The following ABTB3 variants were observed in gnomAD, a reference collection of about 807,000 sequenced individuals.
The protein encoded by ABTB3 is ankyrin repeat- and BTB/POZ domain-containing protein 3.
At chr12:107,358,226 T>A in the ABTB3 span, among the ~76,000 whole-genome samples, 2 of 152,022 alleles carry the variant, frequency 1.3e-5, no homozygotes, top group African/African-American at 4.8e-5. Flanking sequence ...CAGAGAAAAA[T>A]GAACCAGGGA....
chr12:107,538,426 C>G, the ABTB3 span, among the ~76,000 whole-genome samples: 2 of 152,202 alleles, frequency 1.3e-5, no homozygotes, highest in African/African-American at 4.8e-5. Context: ...ACACAGGAAG[C>G]ACTAGCTGTT....
chr12:107,428,755 G>A, the ABTB3 span, among the ~76,000 whole-genome samples: 1 of 152,234 alleles, frequency 6.6e-6, no homozygotes, highest in Non-Finnish European at 1.5e-5. Flanking sequence ...TCCACACACT[G>A]TGAAGAGGCA....
chr12:107,594,835 T>C, the ABTB3 span, among the ~76,000 whole-genome samples: 1 of 152,084 alleles, frequency 6.6e-6, no homozygotes, highest in Non-Finnish European at 1.5e-5. Context: ...ACTTGATATA[T>C]AAAAGATGAT....
At chr12:107,634,510 C>T in the ABTB3 span, among the ~76,000 whole-genome samples, 1 of 152,104 alleles carries the variant, frequency 6.6e-6, no homozygotes, top group Non-Finnish European at 1.5e-5. Context: ...TTCAATGTAA[C>T]CCCTTTGAGC....
At chr12:107,510,052 A>G in the ABTB3 span, among the ~76,000 whole-genome samples, 1 of 152,168 alleles carries the variant, frequency 6.6e-6, no homozygotes, top group African/African-American at 2.4e-5. Flanking sequence ...GGAGAAATAC[A>G]CTCAGAGAAG....
At chr12:107,471,393 T>C in the ABTB3 span, among the ~76,000 whole-genome samples, 1 of 152,186 alleles carries the variant, frequency 6.6e-6, no homozygotes, top group Non-Finnish European at 1.5e-5. Context: ...CTTTTCATCT[T>C]CCTAGAATTT....
chr12:107,422,802 CCAT>C, the ABTB3 span, among the ~76,000 whole-genome samples: 16 of 152,288 alleles, frequency 1.1e-4, no homozygotes, highest in African/African-American at 3.9e-4. Context: ...AACAGTCAAG[CCAT>C]AGATGAGTTT....
chr12:107,633,200 T>C, the ABTB3 span, among the ~76,000 whole-genome samples: 7 of 152,116 alleles, frequency 4.6e-5, no homozygotes, highest in Admixed American at 2.6e-4. Context: ...GGTGAGTAGG[T>C]CTACAAAAGA....
the ABTB3 span, chr12:107,319,158 T>G: frequency 1.2e-6 from 2 of 1,601,620 alleles, no homozygotes; most frequent in Non-Finnish European, 1.7e-6. Flanking sequence ...AACACTGCCC[T>G]GGTGGAAGAC....
chr12:107,513,896 C>T, the ABTB3 span, among the ~76,000 whole-genome samples: 2 of 152,328 alleles, frequency 1.3e-5, no homozygotes, highest in East Asian at 3.9e-4. Flanking sequence ...TTCAAAATGA[C>T]CTTACCAAAT....
the ABTB3 span, among the ~76,000 whole-genome samples, chr12:107,432,183 C>T: frequency 6.6e-6 from 1 of 152,150 alleles, no homozygotes; most frequent in Non-Finnish European, 1.5e-5. Flanking sequence ...GTATGACCTC[C>T]CTCCACCCAC....
At chr12:107,420,767 G>A in the ABTB3 span, among the ~76,000 whole-genome samples, 2 of 152,222 alleles carry the variant, frequency 1.3e-5, no homozygotes, top group East Asian at 1.9e-4. Context: ...CAGTTTACTC[G>A]ACTCTCACCT....
At chr12:107,655,636 C>G in the ABTB3 span, among the ~76,000 whole-genome samples, 1 of 152,346 alleles carries the variant, frequency 6.6e-6, no homozygotes, top group East Asian at 1.9e-4. Flanking sequence ...AAATGTCAAC[C>G]AGGACCTCCG....
chr12:107,443,335 C>T, the ABTB3 span, among the ~76,000 whole-genome samples: 1 of 151,810 alleles, frequency 6.6e-6, no homozygotes, highest in African/African-American at 2.4e-5. Flanking sequence ...TGGGGCGGTC[C>T]CTAAGGGAGG....
the ABTB3 span, among the ~76,000 whole-genome samples, chr12:107,455,280 G>A: frequency 6.6e-6 from 1 of 152,168 alleles, no homozygotes; most frequent in Non-Finnish European, 1.5e-5. Context: ...GTTTTCTAAA[G>A]AAATACTTTA....
the ABTB3 span, among the ~76,000 whole-genome samples, chr12:107,521,714 C>T: frequency 1.1e-4 from 17 of 150,486 alleles, no homozygotes; most frequent in African/African-American, 3.9e-4. Flanking sequence ...TCCTCCACCC[C>T]ACCTCTGTCC....
the ABTB3 span, among the ~76,000 whole-genome samples, chr12:107,493,078 A>G: frequency 9.7e-5 from 13 of 134,566 alleles, no homozygotes; most frequent in African/African-American, 4.0e-4. Context: ...AGCCACAGAG[A>G]AAAGAAAAAA....
At chr12:107,507,518 C>T in the ABTB3 span, among the ~76,000 whole-genome samples, 10 of 152,130 alleles carry the variant, frequency 6.6e-5, no homozygotes, top group Admixed American at 1.3e-4. Flanking sequence ...CCTGACTTCA[C>T]GCAGGCACCA....
the ABTB3 span, among the ~76,000 whole-genome samples, chr12:107,416,930 G>A: frequency 6.6e-6 from 1 of 152,184 alleles, no homozygotes; most frequent in Non-Finnish European, 1.5e-5. Flanking sequence ...ACCGTGCCCA[G>A]CCACCCCATG....
Sources: gnomAD v4.1 joint callset for allele counts (sites outside exome capture counted in the v4.1 genomes callset) on GRCh38, gnomAD v4.1.1 for gene constraint, MANE v1.5 for transcripts, NCBI Gene and HGNC (gene_info 2026-07-23, HGNC 2026-07-21) for gene names.